The following MIDEAS variants were observed in gnomAD, a reference collection of about 807,000 sequenced individuals.
The protein encoded by MIDEAS is mitotic deacetylase associated SANT domain protein.
A neutral mutation model predicts 102.7 loss-of-function variants in MIDEAS; 26 were observed. The ratio of observed to expected loss-of-function variants is 0.25; its 90% CI spans 0.19 to 0.35. MIDEAS has a LOEUF of 0.35. Among genes scored for constraint, MIDEAS ranks in the 10% least tolerant of loss-of-function variants. The pLI, the probability that MIDEAS is intolerant of heterozygous loss-of-function variation, is 1.00. For missense variants in MIDEAS, 1,231 were observed against 1,435.6 expected, an observed-to-expected ratio of 0.86 and a Z score of 2.30; for synonymous variants, 585 against 591.0, an observed-to-expected ratio of 0.99 and a Z score of 0.15.
At chr14:73,727,580 C>T in intron 4 of MIDEAS, 56 bp from the exon 5 acceptor site, 5 of 1,510,414 alleles carry the variant, frequency 3.3e-6, no homozygotes, top group Non-Finnish European at 4.5e-6. Flanking sequence ...AAAGCACCCC[C>T]AATCCTAGTG....
In MIDEAS at chr14:73,749,485, G is replaced by A. The variant is rs927108463; in HGVS notation, c.-247-9230C>T. Among the ~76,000 whole-genome samples, 22 of 151,152 alleles carry A rather than the reference G, an allele frequency of 1.5e-4. No individual in the cohort carries two copies. The East Asian group carries it at 2.9e-3, about 20-fold the overall frequency. On this transcript the variant is annotated intron_variant, in intron 1 of 12. Coordinates refer to ENST00000423556, the MANE Select transcript of MIDEAS (RefSeq NM_001367710.1). ...CAGGAGGTTGAGGCTGCAGTAAGCCGTGTTCATGCCTCTGCAATCCAGCGT... is the reference window on the plus strand; with the variant it reads ...CAGGAGGTTGAGGCTGCAGTAAGCCATGTTCATGCCTCTGCAATCCAGCGT...
chr14:73,765,910 T>C (rs1046560348), intron 1 of MIDEAS, among the ~76,000 whole-genome samples: 1 of 152,184 alleles, frequency 6.6e-6, no homozygotes, highest in African/African-American at 2.4e-5. Context: ...GCTCTGAGTG[T>C]TGGCTTTCAA....
intron 1 of MIDEAS, among the ~76,000 whole-genome samples, chr14:73,770,209 A>G (rs1387840673): frequency 7.9e-5 from 12 of 152,208 alleles, no homozygotes; most frequent in African/African-American, 2.9e-4. Context: ...AATCAGCACC[A>G]AAAAATATGT....
intron 10 of MIDEAS, 77 bp downstream of exon 10, chr14:73,722,621 G>T: frequency 6.4e-7 from 1 of 1,551,920 alleles, no homozygotes; most frequent in South Asian, 1.2e-5. Context: ...TGGAGAGCTC[G>T]GGCTCGGGCT....
chr14:73,779,947 A>G (rs1302603941), intron 1 of MIDEAS, among the ~76,000 whole-genome samples: 1 of 148,582 alleles, frequency 6.7e-6, no homozygotes, highest in East Asian at 2.0e-4. Context: ...ATCTCAGCTC[A>G]CTGCAAGCTC....
In MIDEAS at chr14:73,759,980, G is replaced by A. The variant is rs1311141635; in HGVS notation, c.-465C>T. ...CTGGCAGGGCCCGGGCGGGACGCGC[G>A]GGCTGTCACCCCCCGCTTGCGATGC... On this transcript the variant is annotated 5_prime_UTR_variant, in exon 1 of 13. Transcript: ENST00000423556. This position sits in a 1 kb window ranked among gnomAD's most constrained non-coding sequence, Gnocchi z 6.7. 6.6e-6 allele frequency: 1 copy of A among 151,864 alleles called. No homozygotes were observed. The allele number at this position is 151,864 out of a possible 1,614,324, so 9.4% of individuals were successfully genotyped here.
intron 1 of MIDEAS, among the ~76,000 whole-genome samples, chr14:73,784,276 G>A (rs1316379297): frequency 2.0e-5 from 3 of 152,250 alleles, no homozygotes; most frequent in African/African-American, 7.2e-5. Flanking sequence ...AGGTGAAGGA[G>A]GAAGTCAGGG....
chr14:73,735,949 G>A (rs1348479547), intron 3 of MIDEAS, among the ~76,000 whole-genome samples: 2 of 152,082 alleles, frequency 1.3e-5, no homozygotes, highest in Non-Finnish European at 2.9e-5. Context: ...TTGAGGTCAG[G>A]AGTTCAAGAC....
chr14:73,786,154 C>CG (rs1321483870), intron 1 of MIDEAS, among the ~76,000 whole-genome samples: 3 of 152,228 alleles, frequency 2.0e-5, no homozygotes, highest in Admixed American at 1.3e-4. Flanking sequence ...CACACACCAA[C>CG]GTGTCCCCGC....
chr14:73,750,628 G>A (rs889445372), intron 1 of MIDEAS, among the ~76,000 whole-genome samples: 1 of 152,204 alleles, frequency 6.6e-6, no homozygotes, highest in Non-Finnish European at 1.5e-5. Flanking sequence ...AGGTGGCTTG[G>A]GCCTCTCTTC....
upstream of MIDEAS, among the ~76,000 whole-genome samples, chr14:73,762,731 T>G (rs754777771): frequency 6.6e-6 from 1 of 152,188 alleles, no homozygotes; most frequent in African/African-American, 2.4e-5. Context: ...ACCAAGAAGG[T>G]TGACCTTTCA....
Position 73,729,755 on chromosome 14 carries a change from G to A in MIDEAS, c.1980C>T (p.Leu660=), listed in dbSNP as rs1158568050. 1 of 1,614,086 alleles carries A rather than the reference G, an allele frequency of 6.2e-7. No individual in the cohort carries two copies. The highest frequency in any genetic ancestry group is 8.5e-7 in the Non-Finnish European group (1 of 1,180,048). Residue 660 remains leucine (L), a synonymous_variant, in exon 4 of 13, where the codon CTC becomes CTT. Transcript: ENST00000423556. ...ELPPYTPPPI[L]SPVREGSGLY... is the part of the protein sequence containing the mutation. The stretch of plus-strand genomic sequence containing the variant: ...GGCCAGAGCCTTCCCGCACAGGGCT[G>A]AGGATGGGGGGCGGCGTGTAGGGAG...
chr14:73,739,018 G>A lies in MIDEAS; in HGVS notation c.991C>T (p.Pro331Ser). 6.5e-7 allele frequency: 1 copy of A among 1,543,862 alleles called. No homozygotes were observed. Among genetic ancestry groups the A allele is most frequent in the African/African-American group, 1.4e-5 (1 of 73,302 alleles). The change falls in exon 2 of 13, where the codon CCG (proline) becomes TCG (serine). Residue 331 changes from proline (P) to serine (S), a missense_variant. By Grantham distance (74) the Pro-to-Ser change is moderately conservative. This residue lies in a region of MIDEAS where 758 missense variants were observed against 856.0 expected (regional missense o/e 0.89). Transcript: ENST00000423556. ...TGGACCTGAGGTAGCGCTGGCTGCG[G>A]GGCTGAGTCCTGCAGAAGGGCCTTG... is the stretch of plus-strand genomic sequence containing the variant. ...LRKALLQDSA[P>S]QPALPQVQIP...
chr14:73,775,175 G>A (rs2053678600), intron 1 of MIDEAS, among the ~76,000 whole-genome samples: 1 of 151,992 alleles, frequency 6.6e-6, no homozygotes, highest in Non-Finnish European at 1.5e-5. Flanking sequence ...GCAAGAGGCC[G>A]GCTGGAACAA....
chr14:73,736,770 G>A (rs1377847045), intron 3 of MIDEAS, among the ~76,000 whole-genome samples: 1 of 152,110 alleles, frequency 6.6e-6, no homozygotes, highest in Non-Finnish European at 1.5e-5. Flanking sequence ...TCAATTCTAG[G>A]CAGTTTCAAT....
Position 73,725,491 on chromosome 14 carries a change from C to T in MIDEAS, c.2486-131G>A. On this transcript the variant is annotated intron_variant, in intron 8 of 12. Transcript: ENST00000423556. The surrounding 1 kb of genome is among the most constrained non-coding windows in gnomAD (Gnocchi z 4.1). ...GCAGGCATCAGAGCCGGCTCCTCGT[C>T]CCACTTCCATGTGCCTCACAGCCTC... The T allele has an allele frequency of 1.4e-6, 1 of 690,064 alleles. No individual in the cohort carries two copies. The highest frequency in any genetic ancestry group is 2.6e-6 in the Non-Finnish European group (1 of 390,604). The allele number at this position is 690,064 out of a possible 1,614,324, so 42.7% of individuals were successfully genotyped here.
intron 1 of MIDEAS, among the ~76,000 whole-genome samples, chr14:73,768,641 C>T (rs546919549): frequency 1.9e-3 from 286 of 151,944 alleles, no homozygotes; most frequent in African/African-American, 6.5e-3. Context: ...TGCACCACCA[C>T]GCCTGGCTAA....
chr14:73,761,686 A>C (rs1470322032), upstream of MIDEAS, among the ~76,000 whole-genome samples: 1 of 152,210 alleles, frequency 6.6e-6, no homozygotes, highest in Non-Finnish European at 1.5e-5. Context: ...TACAAAAAAA[A>C]GCCCGGGCTC....
chr14:73,719,588 A>C, intron 11 of MIDEAS, 87 bp from the exon 12 acceptor site: 1 of 1,354,140 alleles, frequency 7.4e-7, no homozygotes, highest in Non-Finnish European at 1.0e-6. Flanking sequence ...GGGGCCTGAA[A>C]AGTCATATAT....
Sources: allele counts gnomAD v4.1 joint callset (sites outside exome capture counted in the v4.1 genomes callset), GRCh38; gene constraint gnomAD v4.1.1; regional missense constraint gnomAD v4.1.1; non-coding constraint Gnocchi (gnomAD v3.1); transcripts MANE v1.5; gene names NCBI Gene and HGNC (gene_info 2026-07-23, HGNC 2026-07-21).